The following CMIP variants were observed in gnomAD, a reference collection of about 807,000 sequenced individuals.
CMIP encodes the protein c-Maf inducing protein, also known as C-Maf-inducing protein.
Under a neutral mutation model 97.3 loss-of-function variants are expected in CMIP, and 13 were observed. The ratio of observed to expected loss-of-function variants is 0.13; its 90% CI spans 0.09 to 0.21. CMIP has a LOEUF of 0.21. Among genes scored for constraint, CMIP ranks in the 10% least tolerant of loss-of-function variants. The probability of loss-of-function intolerance (pLI) is 1.00; values close to 1 mark genes in which losing one functional copy is unlikely to be tolerated. For synonymous variants in CMIP, 538 were observed against 436.3 expected (o/e 1.23, Z -2.91); for missense variants, 847 against 1,024.9 (o/e 0.83, Z 2.37).
chr16:81,457,252 C>A (rs1436139092), intron 1 of CMIP, among the ~76,000 whole-genome samples: 1 of 152,056 alleles, frequency 6.6e-6, no homozygotes, highest in African/African-American at 2.4e-5. Context: ...GGCGCGGCAC[C>A]ACCCCAGCTG....
At chr16:81,497,897 G>A (rs912598752) in intron 1 of CMIP, among the ~76,000 whole-genome samples, 4 of 152,268 alleles carry the variant, frequency 2.6e-5, no homozygotes, top group Non-Finnish European at 5.9e-5. Flanking sequence ...CACCATGGCT[G>A]CTGCTCCAGC....
chr16:81,515,252 A>C (rs975343069), intron 1 of CMIP, among the ~76,000 whole-genome samples: 3 of 152,190 alleles, frequency 2.0e-5, no homozygotes, highest in Non-Finnish European at 2.9e-5. Context: ...GGTGAGGCTG[A>C]ACCCTCTCAC....
intron 1 of CMIP, among the ~76,000 whole-genome samples, chr16:81,501,413 C>T (rs1014791316): frequency 3.8e-4 from 58 of 152,282 alleles, no homozygotes; most frequent in African/African-American, 1.3e-3. Flanking sequence ...CCCTGTGCCA[C>T]GCATTGTATC....
intron 1 of CMIP, among the ~76,000 whole-genome samples, chr16:81,525,707 C>T (rs1267688373): frequency 6.6e-6 from 1 of 152,170 alleles, no homozygotes; most frequent in African/African-American, 2.4e-5. Flanking sequence ...CCACCATCAT[C>T]CATCTCCAGA....
intron 1 of CMIP, among the ~76,000 whole-genome samples, chr16:81,458,656 C>G (rs868082704): frequency 6.6e-6 from 1 of 152,162 alleles, no homozygotes; most frequent in African/African-American, 2.4e-5. Context: ...GTTAAATCCC[C>G]TGCCTGCCCA....
chr16:81,613,092 A>G (rs915470237), intron 2 of CMIP, among the ~76,000 whole-genome samples: 2 of 152,172 alleles, frequency 1.3e-5, no homozygotes, highest in African/African-American at 2.4e-5. Flanking sequence ...TCCTCCTTCA[A>G]AAGTAGACAA....
intron 1 of CMIP, among the ~76,000 whole-genome samples, chr16:81,547,229 AAG>A (rs1487787158): frequency 6.6e-6 from 1 of 152,178 alleles, no homozygotes; most frequent in East Asian, 1.9e-4. Flanking sequence ...GGCCTCCAGA[AAG>A]AGAGACGGAA....
At chr16:81,610,052 G>A (rs1489407962) in intron 2 of CMIP, among the ~76,000 whole-genome samples, 1 of 152,164 alleles carries the variant, frequency 6.6e-6, no homozygotes, top group African/African-American at 2.4e-5. Context: ...TCCAGTTGGA[G>A]GAGAGGAGGC....
intron 1 of CMIP, among the ~76,000 whole-genome samples, chr16:81,505,856 G>A (rs957177975): frequency 5.9e-5 from 9 of 152,164 alleles, no homozygotes; most frequent in African/African-American, 1.4e-4. Flanking sequence ...TCAGCCGGGC[G>A]TGGTGGCACA....
intron 1 of CMIP, among the ~76,000 whole-genome samples, chr16:81,498,442 C>T (rs57072384): frequency 2.0e-5 from 3 of 152,184 alleles, no homozygotes; most frequent in African/African-American, 7.2e-5. Context: ...CCGAGTCCCC[C>T]TGGGGCTGCT....
intron 9 of CMIP, among the ~76,000 whole-genome samples, chr16:81,673,314 G>C (rs556853360): frequency 6.6e-6 from 1 of 152,080 alleles, no homozygotes; most frequent in Non-Finnish European, 1.5e-5. Flanking sequence ...TTAGGAGTTG[G>C]AGACCAGCCT....
rs940762816 is a variant in CMIP, at chr16:81,707,474, G to A, written c.2268+390G>A. Among the ~76,000 whole-genome samples, 14 of 152,334 alleles carry A rather than the reference G, an allele frequency of 9.2e-5. No homozygotes were observed. In the East Asian group the frequency reaches 2.1e-3, roughly 23 times the overall value. ...CTGAGAGAGGGAATGGGCTGGGGCC[G>A]GATGGAAAAAGCCCTCACAGGTCAC... On this transcript the variant is annotated intron_variant, in intron 20 of 20. Coordinates refer to ENST00000537098, the MANE Select transcript of CMIP (RefSeq NM_198390.3).
chr16:81,655,981 C>T lies in CMIP; in HGVS notation c.640-1794C>T, dbSNP rs1352861777. ...AAGGAGAGACCAAGGCCAGGCTTCT[C>T]CCCGAAGCTGAAAAATGACTGATAG... On this transcript the variant is annotated intron_variant, in intron 4 of 20. Transcript: ENST00000537098. This position sits in a 1 kb window ranked among gnomAD's most constrained non-coding sequence, Gnocchi z 4.9. Among the ~76,000 whole-genome samples the T allele has an allele frequency of 6.6e-6, 1 of 152,170 alleles. No homozygotes were observed. The highest frequency in any genetic ancestry group is 1.9e-4 in the East Asian group (1 of 5,194).
At chr16:81,566,960 A>G (rs2090994193) in intron 1 of CMIP, among the ~76,000 whole-genome samples, 1 of 152,256 alleles carries the variant, frequency 6.6e-6, no homozygotes, top group Non-Finnish European at 1.5e-5. Context: ...GGTTGGAATG[A>G]TGGTTACTTC....
intron 1 of CMIP, among the ~76,000 whole-genome samples, chr16:81,487,043 G>A (rs1286758941): frequency 6.6e-6 from 1 of 152,244 alleles, no homozygotes; most frequent in Non-Finnish European, 1.5e-5. Flanking sequence ...GCGCAGCTTC[G>A]TTTCTCTGGA....
intron 1 of CMIP, among the ~76,000 whole-genome samples, chr16:81,538,509 G>C (rs767701785): frequency 6.6e-6 from 1 of 152,148 alleles, no homozygotes; most frequent in Non-Finnish European, 1.5e-5. Context: ...TTCTTACTTC[G>C]CGAGCTGAGT....
intron 17 of CMIP, among the ~76,000 whole-genome samples, chr16:81,703,455 A>C (rs139445256): frequency 6.6e-6 from 1 of 152,024 alleles, no homozygotes; most frequent in African/African-American, 2.4e-5. Context: ...AGCCAGTCAC[A>C]CACCCTGATG....
intron 3 of CMIP, chr16:81,622,269 A>G (rs976783292): frequency 2.6e-5 from 4 of 152,174 alleles, no homozygotes; most frequent in Non-Finnish European, 4.4e-5. Context: ...TTCTGAATGT[A>G]GTAGAGTGGG....
At chr16:81,687,006 G>C (rs373789034) in intron 10 of CMIP, among the ~76,000 whole-genome samples, 5 of 152,110 alleles carry the variant, frequency 3.3e-5, no homozygotes, top group Admixed American at 1.3e-4. Flanking sequence ...ACTGGACAAG[G>C]GTTCAGATCC....
Sources: allele counts gnomAD v4.1 joint callset (sites outside exome capture counted in the v4.1 genomes callset), GRCh38; gene constraint gnomAD v4.1.1; non-coding constraint Gnocchi (gnomAD v3.1); transcripts MANE v1.5; gene names NCBI Gene and HGNC (gene_info 2026-07-23, HGNC 2026-07-21).